The following PNN variants were observed in gnomAD, a reference collection of about 807,000 sequenced individuals.
PNN encodes pinin, desmosome associated protein.
In PNN, 38 loss-of-function variants were observed where a neutral mutation model predicts 76.6. That is an observed-to-expected ratio of 0.50 (90% CI 0.38 to 0.65). PNN has a LOEUF of 0.65. PNN is among the 30% of genes least tolerant of loss of function. PNN has a pLI of 0.00. For missense variants in PNN, 873 were observed against 874.1 expected (o/e 1.00, Z 0.02); for synonymous variants, 366 against 283.7 (o/e 1.29, Z -2.91).
chr14:39,179,378 A>G lies in PNN; in HGVS notation c.709A>G (p.Thr237Ala). The change falls in exon 8 of 9, where the codon ACA becomes GCA. Residue 237 changes from threonine to alanine, a missense_variant. Around this residue, in one of 3 missense-constraint regions of PNN, gnomAD observed 712 missense variants for 693.1 expected, o/e 1.03. Coordinates refer to ENST00000216832, the MANE Select transcript of PNN (RefSeq NM_002687.4). Reference protein sequence around the residue: ...AKIIKYIRTKTKPHLFYIPGR... With the variant: ...AKIIKYIRTKAKPHLFYIPGR... ...AATAATTAAATATATAAGAACTAAG[A>G]CAAAGCCCCATTTGTTTTATATTCC... 4 of 1,611,752 alleles carry G rather than the reference A, an allele frequency of 2.5e-6. No homozygotes were observed. Among genetic ancestry groups the G allele is most frequent in the East Asian group, 2.2e-5 (1 of 44,870 alleles).
chr14:39,179,180 T>A lies in PNN; in HGVS notation c.588T>A (p.Phe196Leu). 1 of 1,614,126 alleles carries A rather than the reference T, an allele frequency of 6.2e-7. No individual in the cohort carries two copies. The highest frequency in any genetic ancestry group is 8.5e-7 in the Non-Finnish European group (1 of 1,180,020). Reference sequence around the variant, plus strand: ...TTGAAAATGAAAGGAGAGAACTGTTTGAAGAGAGGCGTGCTAAACAGACAG... The same window carrying A: ...TTGAAAATGAAAGGAGAGAACTGTTAGAAGAGAGGCGTGCTAAACAGACAG... The part of the protein sequence containing the change: ...KQVENERREL[F>L]EERRAKQTEL... Residue 196 changes from phenylalanine to leucine, a missense_variant, in exon 7 of 9, where the codon TTT (phenylalanine) becomes TTA (leucine). This residue lies in a region of PNN where 712 missense variants were observed against 693.1 expected (regional missense o/e 1.03). Transcript: ENST00000216832.
intron 3 of PNN, 81 bp downstream of exon 3, chr14:39,176,676 C>A: frequency 2.3e-6 from 2 of 865,970 alleles, no homozygotes; most frequent in Non-Finnish European, 3.6e-6. Context: ...AACAATAATT[C>A]TGTTTCAGCA....
At chr14:39,176,757 CT>C (rs1285464568) in intron 3 of PNN, among the ~76,000 whole-genome samples, 162 bp downstream of exon 3, 1 of 152,134 alleles carries the variant, frequency 6.6e-6, no homozygotes, top group Non-Finnish European at 1.5e-5. Flanking sequence ...GAACAGTTGA[CT>C]ATCAGTTCCC....
chr14:39,175,290 C>T lies in PNN; in HGVS notation c.11C>T (p.Ala4Val), dbSNP rs772328630. Residue 4 changes from alanine (A) to valine (V), a missense_variant, in exon 1 of 9, where the codon GCC (alanine) becomes GTC (valine). This residue lies in a region of PNN where 156 missense variants were observed against 161.7 expected (regional missense o/e 0.96). Transcript: ENST00000216832. Reference protein sequence around the residue: MAVAVRTLQEQLEK... With the variant: MAVVVRTLQEQLEK... ...TGCCGCAGGGAGAAGATGGCGGTCG[C>T]CGTGAGAACTTTGCAGGAACAGCTG... 48 of 1,602,036 alleles carry T rather than the reference C, an allele frequency of 3.0e-5. No individual in the cohort carries two copies. In the East Asian group the frequency reaches 1.1e-3, roughly 35 times the overall value.
In PNN at chr14:39,177,501, A is replaced by C; in HGVS notation, c.327+17A>C. The C allele has an allele frequency of 6.2e-7, 1 of 1,609,346 alleles. No individual in the cohort carries two copies. The highest frequency in any genetic ancestry group is 2.2e-5 in the East Asian group (1 of 44,876). On this transcript the variant is annotated intron_variant, in intron 4 of 8. Coordinates refer to ENST00000216832, the MANE Select transcript of PNN (RefSeq NM_002687.4). ...GTTAAAAAGGTATTGAGATTGAAAGAACTTAAATGAATGTAGTACCTTCAC... is the reference window on the plus strand; with the variant it reads ...GTTAAAAAGGTATTGAGATTGAAAGCACTTAAATGAATGTAGTACCTTCAC...
chr14:39,177,925 C>T lies in PNN; in HGVS notation c.498+9C>T, dbSNP rs761489994. On this transcript the variant is annotated intron_variant, in intron 6 of 8. Coordinates refer to ENST00000216832, the MANE Select transcript of PNN (RefSeq NM_002687.4). The stretch of plus-strand genomic sequence containing the variant: ...CTGTTGCTACTGAAAGGGTATTTAT[C>T]CAAGTTTTGTTTTGCATCATATATT... 3.8e-6 allele frequency: 6 copies of T among 1,562,938 alleles called. 1 individual carries two copies. The highest frequency in any genetic ancestry group is 1.7e-4 in the Middle Eastern group (1 of 5,930).
chr14:39,178,846 C>T (rs568238678), intron 6 of PNN, among the ~76,000 whole-genome samples: 1 of 151,822 alleles, frequency 6.6e-6, no homozygotes, highest in South Asian at 2.1e-4. Flanking sequence ...CAAGTGATTT[C>T]TCCTGCTTCG....
Position 39,177,858 on chromosome 14 carries a change from G to A in PNN, c.440G>A (p.Gly147Asp). 1 of 1,611,444 alleles carries A rather than the reference G, an allele frequency of 6.2e-7. No homozygotes were observed. Among genetic ancestry groups the A allele is most frequent in the Non-Finnish European group, 8.5e-7 (1 of 1,177,842 alleles). Residue 147 changes from glycine to aspartate, a missense_variant, in exon 6 of 9, where the codon GGC becomes GAC. Transcript: ENST00000216832. ...KGKQRNRRIF[G>D]LLMGTLQKFK... is the part of the protein sequence containing the mutation. ...TTCTTTAGGAACCGGCGAATATTTG[G>A]CTTGTTGATGGGTACCCTTCAAAAA...
chr14:39,178,166 C>G (rs889292593), intron 6 of PNN, among the ~76,000 whole-genome samples: 1 of 151,958 alleles, frequency 6.6e-6, no homozygotes, highest in Non-Finnish European at 1.5e-5. Context: ...CCTCAAGTCT[C>G]CATTTCCTTA....
rs1488188893 is a variant in PNN, at chr14:39,180,943, G to A, written c.1234G>A (p.Glu412Lys). 6.2e-7 allele frequency: 1 copy of A among 1,614,028 alleles called. No individual in the cohort carries two copies. The highest frequency in any genetic ancestry group is 8.5e-7 in the Non-Finnish European group (1 of 1,180,010). Residue 412 changes from glutamate to lysine, a missense_variant, in exon 9 of 9, where the codon GAA becomes AAA. Coordinates refer to ENST00000216832, the MANE Select transcript of PNN (RefSeq NM_002687.4). The part of the protein sequence containing the change: ...DQEVMETNRV[E>K]SVEPSENEAS... ...GGAGGTAATGGAAACTAATCGAGTT[G>A]AAAGTGTAGAACCTTCAGAAAATGA...
intron 6 of PNN, among the ~76,000 whole-genome samples, chr14:39,178,165 T>C (rs2139401583): frequency 6.6e-6 from 1 of 152,126 alleles, no homozygotes; most frequent in African/African-American, 2.4e-5. Flanking sequence ...GCCTCAAGTC[T>C]CCATTTCCTT....
intron 1 of PNN, 113 bp downstream of exon 1, chr14:39,175,505 C>T (rs775269016): frequency 2.8e-6 from 2 of 710,786 alleles, no homozygotes; most frequent in East Asian, 2.8e-5. Flanking sequence ...ACCTCGAGGC[C>T]TGTTCGCGGG....
At position 39,180,931 on chromosome 14, in the gene PNN, A is replaced by G; in HGVS notation, c.1222A>G (p.Thr408Ala). Reference sequence around the variant, plus strand: ...AATTGCTGACCAGGAGGTAATGGAAACTAATCGAGTTGAAAGTGTAGAACC... The same window carrying G: ...AATTGCTGACCAGGAGGTAATGGAAGCTAATCGAGTTGAAAGTGTAGAACC... ...HVIADQEVME[T>A]NRVESVEPSE... is the part of the protein sequence containing the mutation. Residue 408 changes from threonine to alanine, a missense_variant, in exon 9 of 9, where the codon ACT (threonine) becomes GCT (alanine). Thr to Ala is a moderately conservative substitution (Grantham distance 58). Around this residue, in one of 3 missense-constraint regions of PNN, gnomAD observed 712 missense variants for 693.1 expected, o/e 1.03. Transcript: ENST00000216832. The G allele has an allele frequency of 6.2e-7, 1 of 1,614,184 alleles. No individual in the cohort carries two copies.
rs1328901590 is a variant in PNN, at chr14:39,181,442, G to A, written c.1733G>A (p.Ser578Asn). 1.2e-6 allele frequency: 2 copies of A among 1,613,440 alleles called. No individual in the cohort carries two copies. Among genetic ancestry groups the A allele is most frequent in the Non-Finnish European group, 8.5e-7 (1 of 1,179,696 alleles). ...NKTSKSRSRS[S>N]SSSSSSSSST... ...ACAAGCAAGAGTAGAAGTCGAAGCA[G>A]TAGCAGTAGCAGTTCTAGTAGCAGT... Residue 578 changes from serine (S) to asparagine (N), a missense_variant, in exon 9 of 9, where the codon AGT becomes AAT. Around this residue, in one of 3 missense-constraint regions of PNN, gnomAD observed 712 missense variants for 693.1 expected, o/e 1.03. Transcript: ENST00000216832.
chr14:39,179,499 TG>T (rs1214731940), intron 8 of PNN, 37 bp downstream of exon 8: 2 of 1,565,162 alleles, frequency 1.3e-6, no homozygotes, highest in Admixed American at 1.8e-5. Flanking sequence ...TTGTTCATAG[TG>T]GGTAAGGTAA....
chr14:39,182,007 AC>A lies in PNN; in HGVS notation c.*146del. 1 of 742,552 alleles carries A rather than the reference AC, an allele frequency of 1.3e-6. No homozygotes were observed. Among genetic ancestry groups the A allele is most frequent in the Non-Finnish European group, 2.1e-6 (1 of 486,672 alleles). 46.0% of individuals were successfully genotyped at this position (742,552 alleles called of 1,614,324 possible). On this transcript the variant is annotated 3_prime_UTR_variant, in exon 9 of 9. Transcript: ENST00000216832. ...TTTGGAAAATACAGACTGTTTGTTT[AC>A]CAGACATTCTTGTACTTTTTGCATA... is the stretch of plus-strand genomic sequence containing the variant.
rs201371044 is a variant in PNN, at chr14:39,181,670, G to T, written c.1961G>T (p.Arg654Ile). 18 of 1,614,094 alleles carry T rather than the reference G, an allele frequency of 1.1e-5. No individual in the cohort carries two copies. The highest frequency in any genetic ancestry group is 1.5e-5 in the Non-Finnish European group (18 of 1,179,964). ...CACAGAAGGAGCGTGGATCGGAAGA[G>T]AAGGGATACTTCAGGACTAGAAAGA... ...RKHRRSVDRK[R>I]RDTSGLERSH... The change falls in exon 9 of 9, where the codon AGA (arginine) becomes ATA (isoleucine). Residue 654 changes from arginine to isoleucine, a missense_variant. Around this residue, in one of 3 missense-constraint regions of PNN, gnomAD observed 712 missense variants for 693.1 expected, o/e 1.03. Coordinates refer to ENST00000216832, the MANE Select transcript of PNN (RefSeq NM_002687.4).
In PNN at chr14:39,181,761, G is replaced by T. The variant is rs749386901; in HGVS notation, c.2052G>T (p.Arg684=). Reference sequence around the variant, plus strand: ...AAGGATCAAAGGATAAGAATTCCCGGTCCGACAGAAAGAGGTCTATATCAG... The same window carrying T: ...AAGGATCAAAGGATAAGAATTCCCGTTCCGACAGAAAGAGGTCTATATCAG... ...DTKGSKDKNS[R]SDRKRSISES... is the part of the protein sequence containing the mutation. Residue 684 remains arginine (R), a synonymous_variant, in exon 9 of 9, where the codon CGG becomes CGT. Coordinates refer to ENST00000216832, the MANE Select transcript of PNN (RefSeq NM_002687.4). 3.1e-6 allele frequency: 5 copies of T among 1,614,164 alleles called. No homozygotes were observed. The highest frequency in any genetic ancestry group is 4.2e-6 in the Non-Finnish European group (5 of 1,180,014).
Position 39,181,300 on chromosome 14 carries a change from C to T in PNN, c.1591C>T (p.Pro531Ser). The change falls in exon 9 of 9, where the codon CCT becomes TCT. Residue 531 changes from proline to serine, a missense_variant. Pro to Ser is a moderately conservative substitution (Grantham distance 74). This residue lies in a region of PNN where 712 missense variants were observed against 693.1 expected (regional missense o/e 1.03). Coordinates refer to ENST00000216832, the MANE Select transcript of PNN (RefSeq NM_002687.4). ...GHLLPERKDF[P>S]VESVKLTEVP... ...TTTACTACCTGAGAGGAAGGATTTT[C>T]CTGTAGAGTCTGTAAAACTCACTGA... 5.6e-6 allele frequency: 9 copies of T among 1,614,126 alleles called. No homozygotes were observed. The highest frequency in any genetic ancestry group is 1.6e-4 in the Middle Eastern group (1 of 6,062).
Sources: allele counts gnomAD v4.1 joint callset (sites outside exome capture counted in the v4.1 genomes callset), GRCh38; gene constraint gnomAD v4.1.1; regional missense constraint gnomAD v4.1.1; transcripts MANE v1.5; gene names NCBI Gene and HGNC (gene_info 2026-07-23, HGNC 2026-07-21).